Variants in RABGAP1L observed in about 807,000 individuals in gnomAD.
RABGAP1L encodes RAB GTPase activating protein 1 like, also known as rab GTPase-activating protein 1-like.
RABGAP1L carries 63 observed loss-of-function variants against 137.7 expected under a neutral mutation model. The observed-to-expected ratio is 0.46, with a 90% CI of 0.37 to 0.56. The LOEUF is 0.56. Among genes scored for constraint, RABGAP1L ranks in the 20% least tolerant of loss-of-function variants. RABGAP1L has a pLI of 0.00. For missense variants in RABGAP1L, 1,095 were observed against 1,244.0 expected (o/e 0.88, Z 1.80); for synonymous variants, 431 against 433.7 (o/e 0.99, Z 0.08).
intron 13 of RABGAP1L, among the ~76,000 whole-genome samples, chr1:174,597,313 T>C (rs1670025546): frequency 6.6e-6 from 1 of 152,330 alleles, no homozygotes; most frequent in South Asian, 2.1e-4. Flanking sequence ...TCAAATGTTT[T>C]GTAAAATTCT....
intron 18 of RABGAP1L, among the ~76,000 whole-genome samples, chr1:174,795,474 G>A (rs1270916656): frequency 6.6e-6 from 1 of 152,114 alleles, no homozygotes; most frequent in Non-Finnish European, 1.5e-5. Context: ...CCTACAATTT[G>A]TCACCCTAGG....
intron 17 of RABGAP1L, among the ~76,000 whole-genome samples, chr1:174,741,857 A>AAG (rs1204296290): frequency 7.4e-4 from 60 of 80,640 alleles, no homozygotes; most frequent in African/African-American, 2.0e-3. Flanking sequence ...TATTTCTACA[A>AAG]AAAAAAAAAA....
chr1:174,298,814 C>G (rs909236559), intron 10 of RABGAP1L, among the ~76,000 whole-genome samples: 1 of 152,206 alleles, frequency 6.6e-6, no homozygotes, highest in African/African-American at 2.4e-5. Context: ...TATTTATTCC[C>G]ATCATCTGGC....
chr1:174,220,972 A>G lies in RABGAP1L; in HGVS notation c.139A>G (p.Ile47Val), dbSNP rs763179988. 10 of 1,603,098 alleles carry G rather than the reference A, an allele frequency of 6.2e-6. No homozygotes were observed. Among genetic ancestry groups the G allele is most frequent in the Non-Finnish European group, 7.7e-6 (9 of 1,174,502 alleles). ...TKHEEKPQLK[I>V]VSNGDEQLEK... ...CAGAATTGTCTTGCTGTGTCTGTAG[A>G]TAGTTTCTAATGGTGATGAACAATT... Residue 47 changes from isoleucine to valine, a missense_variant and splice_region_variant, in exon 3 of 26, where the codon ATA becomes GTA. Coordinates refer to ENST00000681986, the MANE Select transcript of RABGAP1L (RefSeq NM_001366446.1).
At chr1:174,297,152 G>C (rs183159128) in intron 10 of RABGAP1L, among the ~76,000 whole-genome samples, 2 of 152,102 alleles carry the variant, frequency 1.3e-5, no homozygotes, top group African/African-American at 4.8e-5. Flanking sequence ...TAGGTTTATG[G>C]CTAAGACTCC....
At chr1:174,544,321 C>T (rs1319632894) in intron 13 of RABGAP1L, among the ~76,000 whole-genome samples, 3 of 152,102 alleles carry the variant, frequency 2.0e-5, no homozygotes, top group Admixed American at 1.3e-4. Flanking sequence ...CTCTAAACTT[C>T]TCTTCTTGCT....
chr1:174,768,427 G>C (rs1294523594), intron 18 of RABGAP1L, among the ~76,000 whole-genome samples: 4 of 152,198 alleles, frequency 2.6e-5, no homozygotes, highest in Non-Finnish European at 5.9e-5. Flanking sequence ...GTAGGCTCAA[G>C]CATGCCCACC....
intron 13 of RABGAP1L, among the ~76,000 whole-genome samples, chr1:174,495,894 T>A (rs1354879923): frequency 6.6e-6 from 1 of 152,148 alleles, no homozygotes; most frequent in African/African-American, 2.4e-5. Context: ...AAGACTTATT[T>A]TATTTTTTAG....
chr1:174,398,433 T>C (rs1421607560), intron 13 of RABGAP1L, among the ~76,000 whole-genome samples: 2 of 152,102 alleles, frequency 1.3e-5, no homozygotes, highest in Admixed American at 6.6e-5. Flanking sequence ...TAGTGTAAAC[T>C]ATCTGGGGGC....
At chr1:174,442,921 A>C (rs1654320512) in intron 13 of RABGAP1L, among the ~76,000 whole-genome samples, 1 of 152,048 alleles carries the variant, frequency 6.6e-6, no homozygotes, top group Non-Finnish European at 1.5e-5. Context: ...TCACTACTTC[A>C]ATAAGATCAA....
At chr1:174,483,834 T>A (rs1490518783) in intron 13 of RABGAP1L, among the ~76,000 whole-genome samples, 1 of 147,910 alleles carries the variant, frequency 6.8e-6, no homozygotes, top group Non-Finnish European at 1.5e-5. Flanking sequence ...AAAAAAAAAA[T>A]CTTGGTTATT....
intron 13 of RABGAP1L, among the ~76,000 whole-genome samples, chr1:174,596,905 T>G (rs1028490843): frequency 6.6e-6 from 1 of 152,136 alleles, no homozygotes; most frequent in African/African-American, 2.4e-5. Context: ...TTTTTTTAGG[T>G]TTTTTTAAAT....
chr1:174,409,861 T>G (rs1649710340), intron 13 of RABGAP1L, among the ~76,000 whole-genome samples: 1 of 152,166 alleles, frequency 6.6e-6, no homozygotes, highest in Non-Finnish European at 1.5e-5. Flanking sequence ...TCTCGAACCC[T>G]GTTTTCTGTT....
At chr1:174,888,668 G>A (rs1655586632) in intron 19 of RABGAP1L, among the ~76,000 whole-genome samples, 1 of 151,966 alleles carries the variant, frequency 6.6e-6, no homozygotes, top group African/African-American at 2.4e-5. Flanking sequence ...GCTAATTTTT[G>A]TATTTTTTTA....
At chr1:174,582,760 A>C (rs1013915360) in intron 13 of RABGAP1L, among the ~76,000 whole-genome samples, 1 of 152,122 alleles carries the variant, frequency 6.6e-6, no homozygotes, top group African/African-American at 2.4e-5. Flanking sequence ...TAAAGATAGG[A>C]TATTGTTAGG....
chr1:174,279,162 CTA>C (rs544445133), intron 10 of RABGAP1L, among the ~76,000 whole-genome samples: 34 of 152,152 alleles, frequency 2.2e-4, no homozygotes, highest in Middle Eastern at 6.8e-3. Flanking sequence ...TACCTAATTT[CTA>C]TAGTTATTTC....
intron 18 of RABGAP1L, among the ~76,000 whole-genome samples, chr1:174,780,515 C>T (rs1485709571): frequency 1.3e-5 from 2 of 152,150 alleles, no homozygotes; most frequent in African/African-American, 4.8e-5. Context: ...AGATAACTCA[C>T]AGGGAATACT....
chr1:174,506,493 G>A (rs1216228161), intron 13 of RABGAP1L, among the ~76,000 whole-genome samples: 1 of 152,164 alleles, frequency 6.6e-6, no homozygotes, highest in Non-Finnish European at 1.5e-5. Flanking sequence ...AAAATCAGTT[G>A]TGTTTCTGTG....
intron 10 of RABGAP1L, among the ~76,000 whole-genome samples, chr1:174,303,932 A>T (rs1677959940): frequency 6.6e-6 from 1 of 152,160 alleles, no homozygotes; most frequent in Non-Finnish European, 1.5e-5. Flanking sequence ...AATGCACTGG[A>T]CAGGGCTTCC....
Sources: gnomAD v4.1 joint callset for allele counts (sites outside exome capture counted in the v4.1 genomes callset) on GRCh38, gnomAD v4.1.1 for gene constraint, MANE v1.5 for transcripts, NCBI Gene and HGNC (gene_info 2026-07-23, HGNC 2026-07-21) for gene names.